SLC5A10: variants seen among roughly 807,000 people sequenced by gnomAD.
The protein encoded by SLC5A10 is sodium/mannose cotransporter SLC5A10.
SLC5A10 carries 55 observed loss-of-function variants against 68.9 expected under a neutral mutation model. The ratio of observed to expected loss-of-function variants is 0.80; its 90% CI spans 0.64 to 1.00. The LOEUF is 1.00. Ranked by LOEUF, SLC5A10 falls within the 50% of genes least tolerant of loss-of-function variation. The pLI is 0.00. For synonymous variants in SLC5A10, 344 were observed against 344.8 expected (o/e 1.00, Z 0.02); for missense variants, 732 against 819.3 (o/e 0.89, Z 1.30).
intron 9 of SLC5A10, among the ~76,000 whole-genome samples, chr17:19,001,395 G>C (rs554745800): frequency 4.7e-4 from 72 of 152,314 alleles, no homozygotes; most frequent in African/African-American, 1.6e-3. Flanking sequence ...GACCCTTGAG[G>C]ACTCCCTGAG....
At chr17:18,956,274 T>C (rs917139812) in intron 1 of SLC5A10, among the ~76,000 whole-genome samples, 1 of 151,570 alleles carries the variant, frequency 6.6e-6, no homozygotes, top group Non-Finnish European at 1.5e-5. Context: ...GGTGAGTACA[T>C]ACAATGAAGC....
intron 5 of SLC5A10, among the ~76,000 whole-genome samples, chr17:18,963,182 A>G (rs1303814582): frequency 6.6e-6 from 1 of 152,206 alleles, no homozygotes; most frequent in African/African-American, 2.4e-5. Flanking sequence ...AAATAAAAAG[A>G]ACAAAAGGCA....
At chr17:18,955,717 G>T (rs1266829666) in intron 1 of SLC5A10, among the ~76,000 whole-genome samples, 8 of 152,370 alleles carry the variant, frequency 5.3e-5, no homozygotes, top group African/African-American at 1.9e-4. Context: ...CAAGATCACG[G>T]CACACAAAGA....
rs1597829174 is a variant in SLC5A10 at position 18,968,931 on chromosome 17, T to G, written c.454-121T>G. The G allele has an allele frequency of 1.1e-5, 8 of 757,100 alleles. No homozygotes were observed. Among genetic ancestry groups the G allele is most frequent in the Non-Finnish European group, 1.4e-5 (7 of 493,444 alleles). 46.9% of individuals were successfully genotyped at this position (757,100 alleles called of 1,614,324 possible). A position where few individuals can be genotyped will look rare whatever the true frequency, so the allele number is the denominator to read the frequency against. ...ATGCAGGCAGGCAGGCGAGTGGGGG[T>G]CTCCCCTCCTTATCCACAGGCCACC... On this transcript the variant is annotated intron_variant, in intron 5 of 14. Transcript: ENST00000395645. The surrounding 1 kb of genome is among the most constrained non-coding windows in gnomAD (Gnocchi z 4.1).
intron 9 of SLC5A10, among the ~76,000 whole-genome samples, chr17:19,011,662 C>T (rs1271732519): frequency 6.6e-6 from 1 of 151,740 alleles, no homozygotes; most frequent in Admixed American, 6.6e-5. Context: ...AAGCTATGAG[C>T]CTGGGGGGCT....
chr17:18,978,592 G>A lies in SLC5A10; in HGVS notation c.982+1603G>A, dbSNP rs745480019. ...TCTCAGAGGAGATCTTGGCAATCTC[G>A]TCGACGCTCTTGGCCTTGACAAGTG... On this transcript the variant is annotated intron_variant, in intron 9 of 14. Coordinates refer to ENST00000395645, the MANE Select transcript of SLC5A10 (RefSeq NM_001042450.4). 64 of 1,613,032 alleles carry A rather than the reference G, an allele frequency of 4.0e-5. 1 individual carries two copies. Among genetic ancestry groups the A allele is most frequent in the Admixed American group, 3.7e-4 (22 of 60,002 alleles).
intron 1 of SLC5A10, among the ~76,000 whole-genome samples, chr17:18,957,432 A>C (rs2042525937): frequency 6.6e-6 from 1 of 152,112 alleles, no homozygotes; most frequent in Non-Finnish European, 1.5e-5. Flanking sequence ...AATTTACATA[A>C]TATACAATTC....
chr17:18,978,510 C>T (rs1371552308), intron 9 of SLC5A10: 1 of 1,613,236 alleles, frequency 6.2e-7, no homozygotes, highest in Non-Finnish European at 8.5e-7. Context: ...GGGAGTTCCC[C>T]TGGATGCTCA....
chr17:18,990,619 G>A (rs574666240), intron 9 of SLC5A10, among the ~76,000 whole-genome samples: 1 of 152,340 alleles, frequency 6.6e-6, no homozygotes, highest in South Asian at 2.1e-4. Flanking sequence ...CCTCAGCCAG[G>A]CAGGGTGCCT....
chr17:18,969,579 GC>G, intron 7 of SLC5A10, 157 bp downstream of exon 7: 3 of 635,676 alleles, frequency 4.7e-6, no homozygotes, highest in South Asian at 2.2e-5. Context: ...TAGGCAGTCA[GC>G]CCCCCTGCTG....
chr17:18,996,136 G>GAAA lies in SLC5A10; in HGVS notation c.983-17263_983-17261dup, dbSNP rs529997491. On this transcript the variant is annotated intron_variant, in intron 9 of 14. Coordinates refer to ENST00000395645, the MANE Select transcript of SLC5A10 (RefSeq NM_001042450.4). The surrounding 1 kb of genome is among the most constrained non-coding windows in gnomAD (Gnocchi z 4.4). ...GGCAATATCTTTAAAGTACTAAATGGAAAAAAAAAAAAATCAACTTAGAAT... is the reference window on the plus strand; with the variant it reads ...GGCAATATCTTTAAAGTACTAAATGGAAAAAAAAAAAAAAAATCAACTTAGAAT... Among the ~76,000 whole-genome samples the GAAA allele has an allele frequency of 1.2e-4, 16 of 137,622 alleles. No homozygotes were observed. Among genetic ancestry groups the GAAA allele is most frequent in the African/African-American group, 1.9e-4 (7 of 37,586 alleles). The allele number at this position is 137,622 out of a possible 152,430, so 90.3% of individuals were successfully genotyped here.
In SLC5A10 at chr17:19,021,878, A is replaced by T; in HGVS notation, c.*1447A>T. ...GTCCACTGAGCCCCGTGTGACTCTG[A>T]CAGAGCTGGGGGTGTCCATGTCCTC... On this transcript the variant is annotated 3_prime_UTR_variant, in exon 15 of 15. Coordinates refer to ENST00000395645, the MANE Select transcript of SLC5A10 (RefSeq NM_001042450.4). The surrounding 1 kb of genome is among the most constrained non-coding windows in gnomAD (Gnocchi z 4.1). 7 of 1,365,128 alleles carry T rather than the reference A, an allele frequency of 5.1e-6. No homozygotes were observed. Among genetic ancestry groups the T allele is most frequent in the Non-Finnish European group, 6.7e-6 (7 of 1,047,072 alleles). The allele number at this position is 1,365,128 out of a possible 1,614,324, so 84.6% of individuals were successfully genotyped here.
In SLC5A10 at chr17:19,019,856, C is replaced by T. The variant is rs777548672; in HGVS notation, c.1554C>T (p.Val518=). The change falls in exon 13 of 15, where the codon GTC becomes GTT. Residue 518 remains valine (V), a synonymous_variant. Transcript: ENST00000395645. ...GCATCCACTACCTGCACTTCGCTGT[C>T]GCCCTCTTTGCACTCAGTGGTGCTG... The part of the protein sequence containing the change: ...LGSIHYLHFA[V]ALFALSGAVV... 11 of 1,613,342 alleles carry T rather than the reference C, an allele frequency of 6.8e-6. No homozygotes were observed. Among genetic ancestry groups the T allele is most frequent in the African/African-American group, 5.3e-5 (4 of 74,930 alleles).
chr17:19,015,231 GGAACACTACAAGGGTGGGC>G, intron 11 of SLC5A10, 32 bp downstream of exon 11: 6 of 1,244,060 alleles, frequency 4.8e-6, no homozygotes, highest in African/African-American at 1.4e-5. Flanking sequence ...CGGGGGTGGG[GGAACACTACAAGGGTGGGC>G]GCCCGCACTG....
At chr17:18,982,095 C>T (rs2043152579) in intron 9 of SLC5A10, among the ~76,000 whole-genome samples, 1 of 152,254 alleles carries the variant, frequency 6.6e-6, no homozygotes, top group Admixed American at 6.5e-5. Flanking sequence ...CGGAAAGTCA[C>T]CACTTCCATC....
intron 1 of SLC5A10, among the ~76,000 whole-genome samples, chr17:18,956,239 A>ATAAC (rs1567775180): frequency 7.8e-6 from 1 of 128,068 alleles, no homozygotes; most frequent in African/African-American, 2.9e-5. Flanking sequence ...AAATAAATAA[A>ATAAC]TAACAAATAG....
Position 19,004,094 on chromosome 17 carries a change from C to T in SLC5A10, c.983-9316C>T. On this transcript the variant is annotated intron_variant, in intron 9 of 14. Coordinates refer to ENST00000395645, the MANE Select transcript of SLC5A10 (RefSeq NM_001042450.4). The surrounding 1 kb of genome is among the most constrained non-coding windows in gnomAD (Gnocchi z 5.4). ...GGGGGTGGGTGGGCAAGGTCCAGCT[C>T]CTAGCTCCGGCCCAGCTGGGGCACC... 1 of 1,519,722 alleles carries T rather than the reference C, an allele frequency of 6.6e-7. No individual in the cohort carries two copies. The highest frequency in any genetic ancestry group is 8.8e-7 in the Non-Finnish European group (1 of 1,133,864). The allele number at this position is 1,519,722 out of a possible 1,614,324, so 94.1% of individuals were successfully genotyped here.
At chr17:19,007,325 T>A (rs983303758) in intron 9 of SLC5A10, among the ~76,000 whole-genome samples, 2 of 152,154 alleles carry the variant, frequency 1.3e-5, no homozygotes, top group Non-Finnish European at 2.9e-5. Flanking sequence ...TGTCTTTTCC[T>A]TTGAAACATT....
At chr17:18,985,871 G>A (rs2043257176) in intron 9 of SLC5A10, among the ~76,000 whole-genome samples, 1 of 152,248 alleles carries the variant, frequency 6.6e-6, no homozygotes, top group Non-Finnish European at 1.5e-5. Context: ...GGGTGGAACA[G>A]GGCAGGCCTC....
Sources: allele counts gnomAD v4.1 joint callset (sites outside exome capture counted in the v4.1 genomes callset), GRCh38; gene constraint gnomAD v4.1.1; non-coding constraint Gnocchi (gnomAD v3.1); transcripts MANE v1.5; gene names NCBI Gene and HGNC (gene_info 2026-07-23, HGNC 2026-07-21).